Variants in PRKCQ observed in about 807,000 individuals in gnomAD.
PRKCQ encodes protein kinase C theta, also known as protein kinase C theta type.
PRKCQ carries 41 observed loss-of-function variants against 91.2 expected under a neutral mutation model. That is an observed-to-expected ratio of 0.45 (90% CI 0.35 to 0.58). The LOEUF is 0.58. Ranked by LOEUF, PRKCQ falls within the 20% of genes least tolerant of loss-of-function variation. The pLI, the probability that PRKCQ is intolerant of heterozygous loss-of-function variation, is 0.00. For synonymous variants in PRKCQ, 307 were observed against 316.9 expected (o/e 0.97, Z 0.33); for missense variants, 673 against 896.5 (o/e 0.75, Z 3.18).
chr10:6,462,004 T>A (rs12146362), intron 14 of PRKCQ, among the ~76,000 whole-genome samples: 15,973 of 151,896 alleles, frequency 0.11, 1,115 homozygotes, highest in Middle Eastern at 0.2. Context: ...AACCGTAAGG[T>A]ATGATAAGAA....
chr10:6,480,320 T>C (rs1488311768), intron 11 of PRKCQ, among the ~76,000 whole-genome samples: 1 of 152,214 alleles, frequency 6.6e-6, no homozygotes, highest in Non-Finnish European at 1.5e-5. Flanking sequence ...AACACTGAGT[T>C]CAAAGAATAA....
chr10:6,456,631 C>T lies in PRKCQ; in HGVS notation c.1647+43G>A, dbSNP rs200050936. On this transcript the variant is annotated intron_variant, in intron 15 of 17. Coordinates refer to ENST00000263125, the MANE Select transcript of PRKCQ (RefSeq NM_006257.5). ...GGCTAAAGAAGCAATGGCATGTGGC[C>T]AGGGCATGGTGAGGTGGGAGCAGCC... 718 of 1,606,780 alleles carry T rather than the reference C, an allele frequency of 4.5e-4. 10 individuals carry two copies. In the South Asian group the frequency reaches 7.4e-3, roughly 17 times the overall value.
intron 16 of PRKCQ, among the ~76,000 whole-genome samples, chr10:6,441,638 C>G (rs930922663): frequency 3.9e-5 from 6 of 152,136 alleles, no homozygotes; most frequent in African/African-American, 1.4e-4. Flanking sequence ...TGAGCGTATT[C>G]AAGGTCATGG....
chr10:6,552,401 G>A (rs190990185), intron 1 of PRKCQ, among the ~76,000 whole-genome samples: 11 of 151,398 alleles, frequency 7.3e-5, no homozygotes, highest in Admixed American at 3.3e-4. Flanking sequence ...GGCTCAGTGC[G>A]TGCAGTCTCC....
At chr10:6,571,026 C>T (rs901300894) in intron 1 of PRKCQ, among the ~76,000 whole-genome samples, 1 of 151,982 alleles carries the variant, frequency 6.6e-6, no homozygotes. Flanking sequence ...GAGGGGACGG[C>T]GGAGGCAGGA....
chr10:6,454,270 A>C (rs1834886503), intron 15 of PRKCQ, among the ~76,000 whole-genome samples: 1 of 152,182 alleles, frequency 6.6e-6, no homozygotes, highest in East Asian at 1.9e-4. Context: ...TGTAAAGAGC[A>C]TGCCCTGGTG....
chr10:6,417,179 G>C, the PRKCQ span, among the ~76,000 whole-genome samples: 1 of 152,234 alleles, frequency 6.6e-6, no homozygotes, highest in Non-Finnish European at 1.5e-5. Context: ...GGGAGGAGGA[G>C]AGGGTCGAGG....
intron 2 of PRKCQ, chr10:6,512,222 C>T (rs1175197478): frequency 2.0e-5 from 3 of 152,190 alleles, no homozygotes; most frequent in Non-Finnish European, 4.4e-5. Context: ...CCATTATTTC[C>T]TTCTCTAATT....
At chr10:6,413,601 C>G in the PRKCQ span, among the ~76,000 whole-genome samples, 1 of 88,318 alleles carries the variant, frequency 1.1e-5, no homozygotes, top group African/African-American at 5.1e-5. Context: ...CACACACACA[C>G]ACACACTAGG....
chr10:6,424,024 G>A (rs979558855), downstream of PRKCQ, among the ~76,000 whole-genome samples: 15 of 152,072 alleles, frequency 9.9e-5, no homozygotes, highest in African/African-American at 2.7e-4. Context: ...TGGTCCCTAC[G>A]TGCAAGAAAT....
downstream of PRKCQ, among the ~76,000 whole-genome samples, chr10:6,425,732 A>G (rs930849386): frequency 2.6e-5 from 4 of 152,126 alleles, no homozygotes; most frequent in Non-Finnish European, 5.9e-5. Flanking sequence ...AGGCAGGGGG[A>G]TCATTTGAGT....
At chr10:6,547,025 G>A (rs1430923596) in intron 1 of PRKCQ, among the ~76,000 whole-genome samples, 1 of 152,144 alleles carries the variant, frequency 6.6e-6, no homozygotes, top group Admixed American at 6.5e-5. Flanking sequence ...TTTATACGCT[G>A]GATTACATTT....
chr10:6,563,391 C>T (rs950712762), intron 1 of PRKCQ, among the ~76,000 whole-genome samples: 24 of 152,100 alleles, frequency 1.6e-4, no homozygotes, highest in African/African-American at 5.5e-4. Flanking sequence ...AGGGCTCTCC[C>T]CATGGGGACA....
chr10:6,525,555 T>C (rs150335580), intron 1 of PRKCQ, among the ~76,000 whole-genome samples: 9 of 152,382 alleles, frequency 5.9e-5, no homozygotes, highest in African/African-American at 1.9e-4. Flanking sequence ...CTTTCAGTTG[T>C]TCAGGCAACT....
rs376480797 is a variant in PRKCQ, at chr10:6,508,930, A to G, written c.319-1434T>C. Among the ~76,000 whole-genome samples the G allele has an allele frequency of 1.5e-3, 229 of 152,372 alleles. 1 individual carries two copies. The highest frequency in any genetic ancestry group is 5.2e-3 in the African/African-American group (218 of 41,590). ...GTCTCTCAATACGGCGTTGAGAAAC[A>G]TGAAAGGCAAATTTGAGAGAATCAT... On this transcript the variant is annotated intron_variant, in intron 3 of 17. Coordinates refer to ENST00000263125, the MANE Select transcript of PRKCQ (RefSeq NM_006257.5).
chr10:6,486,211 G>GTCTTACCTCCAGA, intron 8 of PRKCQ, 67 bp from the exon 9 acceptor site: 1 of 1,343,578 alleles, frequency 7.4e-7, no homozygotes, highest in Non-Finnish European at 1.1e-6. Flanking sequence ...AACTCTCTCT[G>GTCTTACCTCCAGA]GAGGTAAGAC....
intron 15 of PRKCQ, among the ~76,000 whole-genome samples, chr10:6,442,761 A>C (rs896459174): frequency 6.6e-6 from 1 of 152,166 alleles, no homozygotes; most frequent in African/African-American, 2.4e-5. Context: ...CGGGAGTTTG[A>C]GACCAGCCTG....
chr10:6,580,070 T>C (rs1245670692), intron 1 of PRKCQ, 141 bp downstream of exon 1: 7 of 152,216 alleles, frequency 4.6e-5, no homozygotes, highest in Non-Finnish European at 1.0e-4. Flanking sequence ...CTTGGTTCCA[T>C]TTCCTACTCC....
At chr10:6,509,823 A>T (rs1838380430) in intron 3 of PRKCQ, among the ~76,000 whole-genome samples, 1 of 152,224 alleles carries the variant, frequency 6.6e-6, no homozygotes, top group Non-Finnish European at 1.5e-5. Flanking sequence ...ATCTTGGCAT[A>T]TATTTGTCTC....
Sources: allele counts gnomAD v4.1 joint callset (sites outside exome capture counted in the v4.1 genomes callset), GRCh38; gene constraint gnomAD v4.1.1; transcripts MANE v1.5; gene names NCBI Gene and HGNC (gene_info 2026-07-23, HGNC 2026-07-21).